NAV3: variants seen among roughly 807,000 people sequenced by gnomAD.
NAV3 encodes the protein pore membrane and/or filament interacting like protein 1.
A neutral mutation model predicts 244.7 loss-of-function variants in NAV3; 87 were observed. That is an observed-to-expected ratio of 0.36 (90% CI 0.30 to 0.42). NAV3 has a LOEUF of 0.42. NAV3 is among the 20% of genes least tolerant of loss of function. The probability of loss-of-function intolerance (pLI) is 1.00; values close to 1 mark genes in which losing one functional copy is unlikely to be tolerated. For missense variants in NAV3, 2,663 were observed against 2,893.3 expected, an observed-to-expected ratio of 0.92 and a Z score of 1.83; for synonymous variants, 1,126 against 1,042.2, an observed-to-expected ratio of 1.08 and a Z score of -1.55.
At chr12:78,021,888 T>A (rs2136820143) in intron 9 of NAV3, 26 bp downstream of exon 9, 1 of 1,437,476 alleles carries the variant, frequency 7.0e-7, no homozygotes, top group Non-Finnish European at 9.7e-7. Context: ...GATGCATAGG[T>A]CAAACCTAGG....
intron 2 of NAV3, among the ~76,000 whole-genome samples, chr12:77,595,560 G>A (rs1048701932): frequency 4.3e-4 from 66 of 152,154 alleles, no homozygotes; most frequent in South Asian, 8.3e-4. Flanking sequence ...AAAAATAACT[G>A]GGAGAAGATG....
intron 2 of NAV3, among the ~76,000 whole-genome samples, chr12:77,665,548 C>A (rs12314596): frequency 0.085 from 12,889 of 152,188 alleles, 807 homozygotes; most frequent in African/African-American, 0.18. Context: ...TCAGTAAAAA[C>A]TTCCCGTATC....
At chr12:77,656,825 C>T (rs1166711842) in intron 2 of NAV3, among the ~76,000 whole-genome samples, 1 of 151,904 alleles carries the variant, frequency 6.6e-6, no homozygotes, top group Non-Finnish European at 1.5e-5. Flanking sequence ...CGCTCAACTA[C>T]ATGGAAACTG....
intron 9 of NAV3, among the ~76,000 whole-genome samples, chr12:78,022,794 G>A (rs899430042): frequency 6.6e-6 from 1 of 152,116 alleles, no homozygotes; most frequent in Non-Finnish European, 1.5e-5. Context: ...GCAAGCATTA[G>A]ACATGACTAC....
chr12:77,842,774 A>G (rs1379394307), intron 1 of NAV3, among the ~76,000 whole-genome samples: 1 of 152,130 alleles, frequency 6.6e-6, no homozygotes, highest in Non-Finnish European at 1.5e-5. Context: ...ACATATAAAG[A>G]ATATTACACC....
chr12:77,572,496 G>A (rs1443487764), intron 2 of NAV3, among the ~76,000 whole-genome samples: 2 of 152,074 alleles, frequency 1.3e-5, no homozygotes, highest in African/African-American at 4.8e-5. Flanking sequence ...ATTCTACTGT[G>A]TTCTCTCACT....
At position 78,212,309 on chromosome 12, in the gene NAV3, A is replaced by G. The variant is rs568985975; in HGVS notation, c.*1792A>G. The G allele has an allele frequency of 1.8e-4, 28 of 152,758 alleles. 1 individual carries two copies. The highest frequency in any genetic ancestry group is 6.3e-4 in the African/African-American group (26 of 41,576). The allele number at this position is 152,758 out of a possible 1,614,324, so 9.5% of individuals were successfully genotyped here. A position where few individuals can be genotyped will look rare whatever the true frequency, so the allele number is the denominator to read the frequency against. ...CTAGGCCATGGTATAGACTTCTTCT[A>G]TGAGTGTGTGAAAATGTGTTACTTT... On this transcript the variant is annotated 3_prime_UTR_variant, in exon 40 of 40. Transcript: ENST00000397909.
intron 3 of NAV3, among the ~76,000 whole-genome samples, chr12:77,956,003 T>C (rs1344590746): frequency 6.6e-6 from 1 of 152,150 alleles, no homozygotes; most frequent in African/African-American, 2.4e-5. Context: ...ACTATATACT[T>C]TTTAGGGCTT....
intron 9 of NAV3, among the ~76,000 whole-genome samples, chr12:78,027,186 A>C (rs975157725): frequency 6.6e-6 from 1 of 152,138 alleles, no homozygotes; most frequent in African/African-American, 2.4e-5. Context: ...CTGGAATAGC[A>C]GCACTTTAGG....
intron 2 of NAV3, among the ~76,000 whole-genome samples, chr12:77,609,966 A>C (rs1020541148): frequency 1.3e-5 from 2 of 152,130 alleles, no homozygotes; most frequent in Middle Eastern, 3.4e-3. Flanking sequence ...GATTAGTACA[A>C]TCATTGGGGA....
intron 12 of NAV3, among the ~76,000 whole-genome samples, chr12:78,081,635 A>C (rs1953358338): frequency 6.6e-6 from 1 of 152,096 alleles, no homozygotes; most frequent in South Asian, 2.1e-4. Flanking sequence ...GCAGGGGCAA[A>C]TCTGGAAGTG....
At chr12:78,127,665 T>C (rs1480180691) in intron 17 of NAV3, among the ~76,000 whole-genome samples, 1 of 152,184 alleles carries the variant, frequency 6.6e-6, no homozygotes, top group African/African-American at 2.4e-5. Context: ...GGGCAGTTAA[T>C]GTTGATAGGT....
chr12:78,050,675 C>A (rs997217252), intron 10 of NAV3, 89 bp from the exon 11 acceptor site: 2 of 1,387,216 alleles, frequency 1.4e-6, no homozygotes, highest in Non-Finnish European at 2.0e-6. Flanking sequence ...AGAGATGACC[C>A]TCAACTCCAG....
At chr12:77,603,754 C>T (rs1383408226) in intron 2 of NAV3, among the ~76,000 whole-genome samples, 2 of 152,026 alleles carry the variant, frequency 1.3e-5, no homozygotes, top group East Asian at 1.9e-4. Flanking sequence ...TATATTCTTC[C>T]TCCTTCTCTC....
At chr12:78,176,244 G>A (rs1044762499) in intron 25 of NAV3, among the ~76,000 whole-genome samples, 195 bp from the exon 26 acceptor site, 4 of 150,446 alleles carry the variant, frequency 2.7e-5, no homozygotes, top group African/African-American at 4.9e-5. Flanking sequence ...AAAAAAAAAT[G>A]TAGATTTTGA....
intron 30 of NAV3, among the ~76,000 whole-genome samples, chr12:78,183,620 A>G (rs905128758): frequency 1.3e-5 from 2 of 152,008 alleles, no homozygotes; most frequent in African/African-American, 4.8e-5. Flanking sequence ...ATAAAAGCAA[A>G]GAATAGTTAT....
intron 8 of NAV3, among the ~76,000 whole-genome samples, chr12:78,017,450 AAG>A (rs1876411878): frequency 6.6e-6 from 1 of 152,158 alleles, no homozygotes; most frequent in South Asian, 2.1e-4. Flanking sequence ...AAATAAATAA[AAG>A]AAATCCAGAT....
intron 8 of NAV3, among the ~76,000 whole-genome samples, chr12:78,016,274 C>T (rs756835588): frequency 1.1e-4 from 17 of 152,134 alleles, no homozygotes; most frequent in Admixed American, 5.2e-4. Flanking sequence ...CATACACATA[C>T]ATTGAAGCAT....
chr12:78,160,403 G>GTGTGTGTA (rs71445226), intron 23 of NAV3, among the ~76,000 whole-genome samples: 41 of 86,746 alleles, frequency 4.7e-4, no homozygotes, highest in African/African-American at 1.7e-3. Flanking sequence ...GTGTGTGCGT[G>GTGTGTGTA]CGTGTGTGTG....
Sources: gnomAD v4.1 joint callset for allele counts (sites outside exome capture counted in the v4.1 genomes callset) on GRCh38, gnomAD v4.1.1 for gene constraint, MANE v1.5 for transcripts, NCBI Gene and HGNC (gene_info 2026-07-23, HGNC 2026-07-21) for gene names.